Variants in QTMAN observed in about 807,000 individuals in gnomAD.
QTMAN encodes the protein tRNA-queuosine alpha-mannosyltransferase.
At chr2:144,256,673 G>A in the QTMAN span, among the ~76,000 whole-genome samples, 14 of 152,160 alleles carry the variant, frequency 9.2e-5, 1 homozygote, top group East Asian at 1.9e-3. Context: ...ACACAGGGAG[G>A]GGAACATCAC....
chr2:144,092,984 G>A, the QTMAN span, among the ~76,000 whole-genome samples: 1 of 151,426 alleles, frequency 6.6e-6, no homozygotes, highest in Non-Finnish European at 1.5e-5. Context: ...GTAGCTATTG[G>A]ACATAAAGTG....
chr2:144,063,538 ATGAG>A, the QTMAN span, among the ~76,000 whole-genome samples: 1 of 152,222 alleles, frequency 6.6e-6, no homozygotes. Context: ...TATGTCTAAG[ATGAG>A]TAAGTGTACA....
At chr2:144,033,922 T>C in the QTMAN span, among the ~76,000 whole-genome samples, 1 of 152,226 alleles carries the variant, frequency 6.6e-6, no homozygotes, top group East Asian at 1.9e-4. Flanking sequence ...TATTATATCA[T>C]TGTATCACAA....
chr2:144,329,646 A>C, the QTMAN span, among the ~76,000 whole-genome samples: 2 of 152,322 alleles, frequency 1.3e-5, no homozygotes, highest in Middle Eastern at 3.4e-3. Context: ...AGTGACTAAC[A>C]TAAGTTACAG....
the QTMAN span, among the ~76,000 whole-genome samples, chr2:144,276,302 C>T: frequency 6.6e-6 from 1 of 152,168 alleles, no homozygotes. Context: ...TCCCCTCAGC[C>T]TCCCAAAGTG....
the QTMAN span, among the ~76,000 whole-genome samples, chr2:144,156,572 A>G: frequency 6.6e-6 from 1 of 152,042 alleles, no homozygotes; most frequent in Non-Finnish European, 1.5e-5. Context: ...AATATTAATT[A>G]CCCCATATAT....
At chr2:144,109,210 T>C in the QTMAN span, among the ~76,000 whole-genome samples, 1 of 152,192 alleles carries the variant, frequency 6.6e-6, no homozygotes, top group Non-Finnish European at 1.5e-5. Context: ...TAGACCAATG[T>C]AATAGAACAG....
At chr2:144,319,767 C>A in the QTMAN span, 1 of 152,100 alleles carries the variant, frequency 6.6e-6, no homozygotes, top group Admixed American at 6.6e-5. Flanking sequence ...TAATAGATGG[C>A]AATCCTTAGG....
At chr2:144,160,307 G>C in the QTMAN span, among the ~76,000 whole-genome samples, 1 of 152,090 alleles carries the variant, frequency 6.6e-6, no homozygotes, top group Non-Finnish European at 1.5e-5. Context: ...CTACAAAAAT[G>C]TTGAGATATG....
At chr2:144,166,124 A>G in the QTMAN span, among the ~76,000 whole-genome samples, 1 of 152,186 alleles carries the variant, frequency 6.6e-6, no homozygotes, top group Non-Finnish European at 1.5e-5. Context: ...CTATTTCACA[A>G]TTGGAGCTTC....
At chr2:144,144,101 G>A in the QTMAN span, among the ~76,000 whole-genome samples, 1 of 151,850 alleles carries the variant, frequency 6.6e-6, no homozygotes. Flanking sequence ...CTTGAGAAAA[G>A]CAATGCTGAA....
chr2:144,157,813 T>A, the QTMAN span, among the ~76,000 whole-genome samples: 1 of 151,972 alleles, frequency 6.6e-6, no homozygotes, highest in African/African-American at 2.4e-5. Flanking sequence ...TGTATATATA[T>A]GATATCTATA....
At chr2:144,179,074 C>T in the QTMAN span, 21 of 382,368 alleles carry the variant, frequency 5.5e-5, no homozygotes, top group South Asian at 4.1e-4. Flanking sequence ...GGAATACTTA[C>T]ATATAGTCAA....
the QTMAN span, among the ~76,000 whole-genome samples, chr2:144,272,192 T>C: frequency 6.6e-6 from 1 of 152,146 alleles, no homozygotes; most frequent in South Asian, 2.1e-4. Flanking sequence ...ATTGTCACAA[T>C]AGGGGGAAAA....
At chr2:144,093,117 A>AG in the QTMAN span, among the ~76,000 whole-genome samples, 1 of 152,166 alleles carries the variant, frequency 6.6e-6, no homozygotes, top group African/African-American at 2.4e-5. Context: ...TTGATGAGAA[A>AG]GCATGCTGGT....
chr2:144,144,633 T>C, the QTMAN span, among the ~76,000 whole-genome samples: 1 of 151,966 alleles, frequency 6.6e-6, no homozygotes, highest in Non-Finnish European at 1.5e-5. Context: ...TTGCACTCTA[T>C]TTTGATAGCA....
chr2:144,095,713 C>A, the QTMAN span, among the ~76,000 whole-genome samples: 6 of 152,108 alleles, frequency 3.9e-5, no homozygotes, highest in Non-Finnish European at 5.9e-5. Context: ...CTTTTAATTT[C>A]TTTCCCTCCC....
At chr2:144,296,281 G>A in the QTMAN span, among the ~76,000 whole-genome samples, 2 of 152,146 alleles carry the variant, frequency 1.3e-5, no homozygotes, top group Non-Finnish European at 2.9e-5. Context: ...CTAAAATCAT[G>A]TCATTTATCA....
the QTMAN span, among the ~76,000 whole-genome samples, chr2:143,960,094 A>G: frequency 2.0e-5 from 3 of 152,150 alleles, no homozygotes; most frequent in African/African-American, 7.2e-5. Flanking sequence ...ATGTAAATAT[A>G]TATCTTGATG....
Sources: gnomAD v4.1 joint callset for allele counts (sites outside exome capture counted in the v4.1 genomes callset) on GRCh38, gnomAD v4.1.1 for gene constraint, MANE v1.5 for transcripts, NCBI Gene and HGNC (gene_info 2026-07-23, HGNC 2026-07-21) for gene names.